Variants in TNK2 observed in about 807,000 individuals in gnomAD.
TNK2 encodes the protein activated CDC42 kinase 1.
TNK2 carries 83 observed loss-of-function variants against 101.8 expected under a neutral mutation model. The ratio of observed to expected loss-of-function variants is 0.82; its 90% CI spans 0.68 to 0.98. The LOEUF (loss-of-function observed/expected upper bound fraction) is 0.98. TNK2 is among the 50% of genes least tolerant of loss of function. The pLI is 0.00. For synonymous variants in TNK2, 804 were observed against 633.0 expected, an observed-to-expected ratio of 1.27 and a Z score of -4.06; for missense variants, 1,665 against 1,483.2, an observed-to-expected ratio of 1.12 and a Z score of -2.01.
chr3:195,868,274 G>A lies in TNK2; in HGVS notation c.2024C>T (p.Pro675Leu). The A allele has an allele frequency of 1.2e-6, 2 of 1,604,424 alleles. No individual in the cohort carries two copies. Among genetic ancestry groups the A allele is most frequent in the Non-Finnish European group, 1.7e-6 (2 of 1,179,558 alleles). The change falls in exon 13 of 16, where the codon CCT becomes CTT. Residue 675 changes from proline to leucine, a missense_variant. Physicochemically the swap from Pro to Leu is moderately conservative, Grantham distance 98. This residue lies in a region of TNK2 where 1,136 missense variants were observed against 894.9 expected (regional missense o/e 1.27). Transcript: ENST00000672887. Reference sequence around the variant, plus strand: ...GGTCTGGCCCTGGCTGGGCCCGGCAGGGACCCCCGCGCCCACGAGGGTGCT... The same window carrying A: ...GGTCTGGCCCTGGCTGGGCCCGGCAAGGACCCCCGCGCCCACGAGGGTGCT... ...INSTLVGAGVPAGPSQGQTNY... is the reference protein window; with the variant it reads ...INSTLVGAGVLAGPSQGQTNY...
rs1222384240 is a variant in TNK2 at position 195,883,235 on chromosome 3, C to T, written c.531G>A (p.Glu177=). 1 of 1,613,068 alleles carries T rather than the reference C, an allele frequency of 6.2e-7. No individual in the cohort carries two copies. The highest frequency in any genetic ancestry group is 1.1e-5 in the South Asian group (1 of 91,072). The change falls in exon 5 of 16, where the codon GAG becomes GAA. Residue 177 remains glutamate (E), a synonymous_variant. Coordinates refer to ENST00000672887, the MANE Select transcript of TNK2 (RefSeq NM_001382273.1). ...GGTCGAGCGAGTGCATGGCATTGAC[C>T]TCCCGGATGAAGTCGTCCATGGCTT... ...QPEAMDDFIR[E]VNAMHSLDHR... is the part of the protein sequence containing the mutation.
chr3:195,869,018 C>G (rs986810575), intron 12 of TNK2: 1 of 476,010 alleles, frequency 2.1e-6, no homozygotes, highest in Non-Finnish European at 3.7e-6. Context: ...AAGACCCCGG[C>G]GGCCCTGCTC....
intron 1 of TNK2, among the ~76,000 whole-genome samples, chr3:195,889,434 C>T (rs187219526): frequency 6.6e-6 from 1 of 152,352 alleles, no homozygotes; most frequent in East Asian, 1.9e-4. Flanking sequence ...GAATCTCATT[C>T]CCTCCCCAGC....
At chr3:195,901,990 G>GA (rs1248838150) in intron 1 of TNK2, among the ~76,000 whole-genome samples, 6 of 152,108 alleles carry the variant, frequency 3.9e-5, no homozygotes, top group South Asian at 2.1e-4. Flanking sequence ...GGGGTTCCAG[G>GA]AAAAAACAGT....
intron 15 of TNK2, among the ~76,000 whole-genome samples, chr3:195,865,417 C>A (rs1487890745): frequency 1.4e-5 from 2 of 142,714 alleles, no homozygotes; most frequent in African/African-American, 2.7e-5. Flanking sequence ...GTCCCGGGTG[C>A]AAATCAGTTA....
At position 195,868,165 on chromosome 3, in the gene TNK2, C is replaced by T. The variant is rs2149229765; in HGVS notation, c.2133G>A (p.Lys711=). ...CTGCGGTCTGTGCGGAGCTGGGCGG[C>T]TTGCCCCCACCCTGGGGCGGGAGGA... The part of the protein sequence containing the change: ...NLFLPPQGGG[K]PPSSAQTAEI... The change falls in exon 13 of 16, where the codon AAG becomes AAA. Residue 711 remains lysine, a synonymous_variant. Coordinates refer to ENST00000672887, the MANE Select transcript of TNK2 (RefSeq NM_001382273.1). 6.8e-6 allele frequency: 11 copies of T among 1,610,676 alleles called. No individual in the cohort carries two copies. The highest frequency in any genetic ancestry group is 4.5e-5 in the East Asian group (2 of 44,804).
chr3:195,884,699 G>A, intron 4 of TNK2, 113 bp downstream of exon 4: 1 of 944,736 alleles, frequency 1.1e-6, no homozygotes, highest in Non-Finnish European at 1.6e-6. Flanking sequence ...TCTGGGATGA[G>A]CCACACTGTG....
At chr3:195,887,864 G>A (rs1410899401) in intron 2 of TNK2, among the ~76,000 whole-genome samples, 3 of 148,434 alleles carry the variant, frequency 2.0e-5, no homozygotes, top group African/African-American at 5.0e-5. Flanking sequence ...GTCTGTGTGC[G>A]CAGGCGTGTG....
intron 1 of TNK2, among the ~76,000 whole-genome samples, chr3:195,893,312 A>ATTG (rs1759348889): frequency 2.6e-5 from 4 of 151,894 alleles, no homozygotes; most frequent in Non-Finnish European, 4.4e-5. Context: ...AGTCCAGCCA[A>ATTG]GAGCAAGGGT....
rs986924875 is a variant in TNK2, at chr3:195,885,107, T to C, written c.235-74A>G. On this transcript the variant is annotated intron_variant, in intron 3 of 15. Coordinates refer to ENST00000672887, the MANE Select transcript of TNK2 (RefSeq NM_001382273.1). This position sits in a 1 kb window ranked among gnomAD's most constrained non-coding sequence, Gnocchi z 4.7. ...AGTCACTCAGTCCCACCCCGCTGGG[T>C]CCACCTGGTGATCCCCGGCTTCGGC... 2.1e-6 allele frequency: 3 copies of C among 1,418,712 alleles called. No individual in the cohort carries two copies. Among genetic ancestry groups the C allele is most frequent in the African/African-American group, 2.9e-5 (2 of 69,634 alleles). The allele number at this position is 1,418,712 out of a possible 1,614,324, so 87.9% of individuals were successfully genotyped here. A position where few individuals can be genotyped will look rare whatever the true frequency, so the allele number is the denominator to read the frequency against.
chr3:195,887,307 T>C (rs1009411342), intron 2 of TNK2, among the ~76,000 whole-genome samples: 3 of 152,208 alleles, frequency 2.0e-5, no homozygotes, highest in African/African-American at 7.2e-5. Context: ...TCAGGAAAAA[T>C]CAAGGTAATG....
intron 5 of TNK2, 105 bp downstream of exon 5, chr3:195,883,052 T>C: frequency 7.0e-7 from 1 of 1,420,152 alleles, no homozygotes; most frequent in East Asian, 2.4e-5. Context: ...GGGACCAAAG[T>C]AGGATCTAGG....
At position 195,874,110 on chromosome 3, in the gene TNK2, C is replaced by G. The variant is rs549740176; in HGVS notation, c.1257-1640G>C. 1.6e-3 allele frequency among the ~76,000 whole-genome samples: 238 copies of G among 152,362 alleles called. 2 individuals carry two copies. The highest frequency in any genetic ancestry group is 5.1e-3 in the African/African-American group (213 of 41,590). ...CGGCACCGGCTGGGCTGCGGCTCTC[C>G]CGCTACACCCACGGGCTCCCCGGTG... On this transcript the variant is annotated intron_variant, in intron 9 of 15. Transcript: ENST00000672887.
intron 1 of TNK2, chr3:195,891,831 G>A: frequency 3.7e-6 from 3 of 800,472 alleles, no homozygotes; most frequent in South Asian, 5.7e-5. Context: ...GGCTGGGGGA[G>A]ACCCAGAGGC....
At chr3:195,870,379 C>G in intron 10 of TNK2, 174 bp from the exon 11 acceptor site, 7 of 1,472,820 alleles carry the variant, frequency 4.8e-6, no homozygotes, top group Non-Finnish European at 6.3e-6. Flanking sequence ...GGGGGGTGTC[C>G]TGGAGAGAAG....
rs143180132 is a variant in TNK2 at position 195,877,515 on chromosome 3, AT to A, written c.1256+737del. On this transcript the variant is annotated intron_variant, in intron 9 of 15. Coordinates refer to ENST00000672887, the MANE Select transcript of TNK2 (RefSeq NM_001382273.1). ...GAGTCAGGAGCTGCGAGCACAGGGG[AT>A]TTCCTCCACTTCACTCTTCTTCCTG... Among the ~76,000 whole-genome samples the A allele has an allele frequency of 3.5e-4, 54 of 152,156 alleles. No individual in the cohort carries two copies. In the East Asian group the frequency reaches 8.7e-3, roughly 25 times the overall value.
chr3:195,907,273 G>GC (rs1440166173), intron 1 of TNK2, among the ~76,000 whole-genome samples: 1 of 152,202 alleles, frequency 6.6e-6, no homozygotes, highest in Non-Finnish European at 1.5e-5. Context: ...GGGTGGCAGC[G>GC]CGACAGGCAT....
rs759937814 is a variant in TNK2, at chr3:195,895,432, G to C, written c.-18-6826C>G. The C allele has an allele frequency of 2.7e-6, 4 of 1,481,588 alleles. No individual in the cohort carries two copies. In the South Asian group the frequency reaches 3.9e-5, roughly 14 times the overall value. The allele number at this position is 1,481,588 out of a possible 1,614,324, so 91.8% of individuals were successfully genotyped here. ...CCTCGAGCATCCTCCAGAAGTGCAG[G>C]GCCGCTACTGCGTCTCAGCCCCCAT... On this transcript the variant is annotated intron_variant, in intron 1 of 15. Transcript: ENST00000672887.
chr3:195,906,267 T>C (rs1174789287), intron 1 of TNK2, among the ~76,000 whole-genome samples: 2 of 152,146 alleles, frequency 1.3e-5, no homozygotes, highest in Non-Finnish European at 2.9e-5. Flanking sequence ...AGTCTGGCAG[T>C]TTCTTAAAGG....
Sources: gnomAD v4.1 joint callset for allele counts (sites outside exome capture counted in the v4.1 genomes callset) on GRCh38, gnomAD v4.1.1 for gene constraint, gnomAD v4.1.1 regional missense constraint, Gnocchi (gnomAD v3.1) non-coding constraint, MANE v1.5 for transcripts, NCBI Gene and HGNC (gene_info 2026-07-23, HGNC 2026-07-21) for gene names.